Variants in SMAD3 observed in about 807,000 individuals in gnomAD.
SMAD3 encodes MAD homolog 3.
In SMAD3, 12 loss-of-function variants were observed where a neutral mutation model predicts 51.8. That is an observed-to-expected ratio of 0.23 (90% CI 0.15 to 0.38). The LOEUF (loss-of-function observed/expected upper bound fraction) is 0.38, where lower values mean the gene tolerates loss of function less well. Among genes scored for constraint, SMAD3 ranks in the 10% least tolerant of loss-of-function variants. The probability of loss-of-function intolerance (pLI) is 1.00; values close to 1 mark genes in which losing one functional copy is unlikely to be tolerated. For missense variants in SMAD3, 294 were observed against 565.6 expected (o/e 0.52, Z 4.87); for synonymous variants, 238 against 227.7 (o/e 1.05, Z -0.41).
intron 1 of SMAD3, among the ~76,000 whole-genome samples, chr15:67,162,774 C>T (rs1962462763): frequency 2.0e-5 from 3 of 151,966 alleles, no homozygotes; most frequent in African/African-American, 2.4e-5. Context: ...TCTCCCGCAC[C>T]CCTTTGCCTG....
chr15:67,120,101 C>T (rs540854777), intron 1 of SMAD3, among the ~76,000 whole-genome samples: 58 of 152,282 alleles, frequency 3.8e-4, no homozygotes, highest in Middle Eastern at 3.4e-3. Flanking sequence ...CTGGCCAAGA[C>T]TCTGGGTTTA....
intron 6 of SMAD3, among the ~76,000 whole-genome samples, chr15:67,183,610 G>A (rs1963143608): frequency 6.6e-6 from 1 of 152,078 alleles, no homozygotes. Flanking sequence ...TCATCCTACC[G>A]GATGCTGGGC....
rs1963464672 is a variant in SMAD3, at chr15:67,194,940, G to A, written c.*4404G>A. On this transcript the variant is annotated 3_prime_UTR_variant, in exon 9 of 9. Transcript: ENST00000327367. ...GACTCTGATGTGTGTGGAGGGATGG[G>A]GAATAGAACATTGACTGTGTTGATT... The A allele has an allele frequency of 4.3e-6, 1 of 233,558 alleles. No homozygotes were observed. Among genetic ancestry groups the A allele is most frequent in the South Asian group, 1.8e-4 (1 of 5,524 alleles). 14.5% of individuals were successfully genotyped at this position (233,558 alleles called of 1,614,324 possible). A position where few individuals can be genotyped will look rare whatever the true frequency, so the allele number is the denominator to read the frequency against.
chr15:67,124,926 G>A (rs529453192), intron 1 of SMAD3, among the ~76,000 whole-genome samples: 1 of 152,306 alleles, frequency 6.6e-6, no homozygotes, highest in Non-Finnish European at 1.5e-5. Context: ...TGGAGTCAGG[G>A]CTCCTGTCTC....
intron 1 of SMAD3, among the ~76,000 whole-genome samples, chr15:67,114,037 A>C (rs1265315363): frequency 6.6e-6 from 1 of 152,194 alleles, no homozygotes; most frequent in African/African-American, 2.4e-5. Flanking sequence ...TCCTGGATGC[A>C]TTTTAGAAGT....
intron 3 of SMAD3, 88 bp downstream of exon 3, chr15:67,165,472 CT>C: frequency 1.3e-6 from 2 of 1,499,982 alleles, no homozygotes. Context: ...TCTCTGCCCC[CT>C]GGCCGTCCCC....
At chr15:67,067,080 A>G (rs1312471991) in intron 1 of SMAD3, among the ~76,000 whole-genome samples, 1 of 122,410 alleles carries the variant, frequency 8.2e-6, no homozygotes, top group Non-Finnish European at 1.7e-5. Context: ...CCCCATCCCG[A>G]CTCTTTTGCC....
intron 1 of SMAD3, among the ~76,000 whole-genome samples, chr15:67,084,070 C>CTTTTTTTTTT (rs56675753): frequency 0.023 from 1,931 of 85,008 alleles, 2 homozygotes; most frequent in Non-Finnish European, 0.03. Flanking sequence ...CTTTTTTTTT[C>CTTTTTTTTTT]TTTTTTTTTT....
At position 67,170,726 on chromosome 15, in the gene SMAD3, C is replaced by T. The variant is rs1962728333; in HGVS notation, c.658+122C>T. 4.9e-6 allele frequency: 4 copies of T among 816,772 alleles called. No individual in the cohort carries two copies. In the Admixed American group the frequency reaches 7.9e-5, roughly 16 times the overall value. 50.6% of individuals were successfully genotyped at this position (816,772 alleles called of 1,614,324 possible). ...CCCGACCCCTACCATCAGCCCAGCT[C>T]AGCCCATCAGGTTTCTGGTTACGGT... On this transcript the variant is annotated intron_variant, in intron 5 of 8. Coordinates refer to ENST00000327367, the MANE Select transcript of SMAD3 (RefSeq NM_005902.4).
intron 1 of SMAD3, among the ~76,000 whole-genome samples, chr15:67,121,940 C>T (rs1257702019): frequency 2.6e-5 from 4 of 152,232 alleles, no homozygotes; most frequent in African/African-American, 9.6e-5. Flanking sequence ...CCACCACCCT[C>T]ATGTGGCTAT....
intron 1 of SMAD3, among the ~76,000 whole-genome samples, chr15:67,161,438 G>A (rs1962428701): frequency 6.6e-6 from 1 of 152,194 alleles, no homozygotes; most frequent in African/African-American, 2.4e-5. Context: ...TACCTCCACA[G>A]CCCCATTCTC....
chr15:67,156,240 A>C (rs1962280723), intron 1 of SMAD3, among the ~76,000 whole-genome samples: 1 of 152,216 alleles, frequency 6.6e-6, no homozygotes, highest in Non-Finnish European at 1.5e-5. Flanking sequence ...ATGTAAAGAT[A>C]CAGAATAAAT....
At chr15:67,098,734 G>C (rs1341879247) in intron 1 of SMAD3, 1 of 616,780 alleles carries the variant, frequency 1.6e-6, no homozygotes. Flanking sequence ...GGGGAGGCTT[G>C]CTTTGGTTGT....
chr15:67,169,037 A>T (rs965537204), intron 4 of SMAD3, among the ~76,000 whole-genome samples: 1 of 152,144 alleles, frequency 6.6e-6, no homozygotes, highest in Non-Finnish European at 1.5e-5. Context: ...GGGGACAAGC[A>T]TTTATCCAGT....
At position 67,184,430 on chromosome 15, in the gene SMAD3, C is replaced by T. The variant is rs7181556; in HGVS notation, c.872-297C>T. On this transcript the variant is annotated intron_variant, in intron 6 of 8. Transcript: ENST00000327367. The stretch of plus-strand genomic sequence containing the variant: ...CCCCCATCCCTATCGTAGAGACAAA[C>T]GAAGACTCAGAGGGTGAATAACTTG... Among the ~76,000 whole-genome samples the T allele has an allele frequency of 0.22, 34,060 of 152,046 alleles. 4,316 individuals carry two copies. The highest frequency in any genetic ancestry group is 0.48 in the East Asian group (2,454 of 5,152).
Position 67,190,579 on chromosome 15 carries a change from G to T in SMAD3, c.*43G>T. 6.2e-7 allele frequency: 1 copy of T among 1,605,940 alleles called. No individual in the cohort carries two copies. Among genetic ancestry groups the T allele is most frequent in the Non-Finnish European group, 8.5e-7 (1 of 1,173,346 alleles). ...GGGGAGGGCAGGCTTGGGGAAAATG[G>T]CCATGCAGGAGGTGGAGAAAATTGG... On this transcript the variant is annotated 3_prime_UTR_variant, in exon 9 of 9. Transcript: ENST00000327367.
At chr15:67,067,591 T>C (rs1435190765) in intron 1 of SMAD3, among the ~76,000 whole-genome samples, 1 of 152,120 alleles carries the variant, frequency 6.6e-6, no homozygotes, top group African/African-American at 2.4e-5. Flanking sequence ...CTTGGGGCAG[T>C]TGTACAGGGG....
chr15:67,123,482 A>C (rs1326899690), intron 1 of SMAD3, among the ~76,000 whole-genome samples: 1 of 151,768 alleles, frequency 6.6e-6, no homozygotes, highest in African/African-American at 2.4e-5. Context: ...TTGGGCAACA[A>C]GAGCAAAACT....
At chr15:67,114,362 G>A (rs957597031) in intron 1 of SMAD3, among the ~76,000 whole-genome samples, 5 of 152,092 alleles carry the variant, frequency 3.3e-5, no homozygotes, top group East Asian at 3.9e-4. Context: ...TATGTGTGGC[G>A]CACAGATGGC....
Sources: allele counts gnomAD v4.1 joint callset (sites outside exome capture counted in the v4.1 genomes callset), GRCh38; gene constraint gnomAD v4.1.1; transcripts MANE v1.5; gene names NCBI Gene and HGNC (gene_info 2026-07-23, HGNC 2026-07-21).